CRTC3: variants seen among roughly 807,000 people sequenced by gnomAD.
The protein encoded by CRTC3 is CREB-regulated transcription coactivator 3.
A neutral mutation model predicts 74.5 loss-of-function variants in CRTC3; 26 were observed. The observed-to-expected ratio is 0.35, with a 90% CI of 0.26 to 0.48. The LOEUF is 0.48. Ranked by LOEUF, CRTC3 falls within the 20% of genes least tolerant of loss-of-function variation. The pLI, the probability that CRTC3 is intolerant of heterozygous loss-of-function variation, is 0.99. For missense variants in CRTC3, 760 were observed against 787.3 expected (o/e 0.97, Z 0.41); for synonymous variants, 377 against 325.8 (o/e 1.16, Z -1.69).
Position 90,643,414 on chromosome 15 carries a change from CG to C in CRTC3, c.*1277del. 4.4e-6 allele frequency: 1 copy of C among 228,714 alleles called. No homozygotes were observed. The allele number at this position is 228,714 out of a possible 1,614,324, so 14.2% of individuals were successfully genotyped here. Reference sequence around the variant, plus strand: ...CATTCTCCTTGGGCTGTGCTCCACGCGGGTGGGTGGGAGCTGTCTTCTGAGT... The same window carrying C: ...CATTCTCCTTGGGCTGTGCTCCACGCGGTGGGTGGGAGCTGTCTTCTGAGT... On this transcript the variant is annotated 3_prime_UTR_variant, in exon 15 of 15. Transcript: ENST00000268184.
At chr15:90,616,907 G>GCAGTGA (rs1968507796) in intron 7 of CRTC3, among the ~76,000 whole-genome samples, 1 of 152,242 alleles carries the variant, frequency 6.6e-6, no homozygotes, top group South Asian at 2.1e-4. Flanking sequence ...CACAACCAAG[G>GCAGTGA]AGCTTCACTG....
chr15:90,553,909 A>G (rs1343536354), intron 2 of CRTC3, among the ~76,000 whole-genome samples: 1 of 152,254 alleles, frequency 6.6e-6, no homozygotes, highest in African/African-American at 2.4e-5. Flanking sequence ...TACTAAAGTG[A>G]CAACATATAC....
At chr15:90,626,327 A>G (rs1968833472) in intron 10 of CRTC3, among the ~76,000 whole-genome samples, 1 of 152,178 alleles carries the variant, frequency 6.6e-6, no homozygotes, top group South Asian at 2.1e-4. Context: ...TCAACATATG[A>G]TAATTTATAA....
At chr15:90,639,968 G>C (rs1567198738) in intron 13 of CRTC3, among the ~76,000 whole-genome samples, 1 of 152,006 alleles carries the variant, frequency 6.6e-6, no homozygotes, top group Admixed American at 6.5e-5. Context: ...AGAATGGCGT[G>C]AAGCCGGGAG....
At chr15:90,630,196 G>A (rs955548085) in intron 11 of CRTC3, among the ~76,000 whole-genome samples, 25 of 152,172 alleles carry the variant, frequency 1.6e-4, no homozygotes, top group African/African-American at 5.8e-4. Context: ...ACCAGGTTAG[G>A]ATTTCAAAGT....
In CRTC3 at chr15:90,638,386, A is replaced by G. The variant is rs1002126441; in HGVS notation, c.1267-60A>G. The G allele has an allele frequency of 7.0e-6, 10 of 1,435,910 alleles. No individual in the cohort carries two copies. The Admixed American group carries it at 1.3e-4, about 19-fold the overall frequency. 88.9% of individuals were successfully genotyped at this position (1,435,910 alleles called of 1,614,324 possible). A position where few individuals can be genotyped will look rare whatever the true frequency, so the allele number is the denominator to read the frequency against. ...TCTCACTCTGACATTTCCTAATCCT[A>G]AAGGACTTAACGCCAGAAACGCAGA... On this transcript the variant is annotated intron_variant, in intron 11 of 14. Transcript: ENST00000268184.
rs986054712 is a variant in CRTC3, at chr15:90,642,988, A to G, written c.*848A>G. The stretch of plus-strand genomic sequence containing the variant: ...ACAGACCTCCCCACTAAGAGCAGCC[A>G]GAGGGAGCTGGTGAGGCCCTAACCC... On this transcript the variant is annotated 3_prime_UTR_variant, in exon 15 of 15. Coordinates refer to ENST00000268184, the MANE Select transcript of CRTC3 (RefSeq NM_022769.5). The G allele has an allele frequency of 8.6e-6, 2 of 232,508 alleles. No individual in the cohort carries two copies. The highest frequency in any genetic ancestry group is 1.7e-5 in the Non-Finnish European group (2 of 117,670). The allele number at this position is 232,508 out of a possible 1,614,324, so 14.4% of individuals were successfully genotyped here.
chr15:90,556,013 A>T (rs1480552516), intron 2 of CRTC3, among the ~76,000 whole-genome samples: 9 of 152,130 alleles, frequency 5.9e-5, no homozygotes, highest in Non-Finnish European at 1.0e-4. Flanking sequence ...AGAGATTACC[A>T]TTTTAATGTT....
At chr15:90,560,153 C>T (rs1417005571) in intron 2 of CRTC3, among the ~76,000 whole-genome samples, 2 of 152,074 alleles carry the variant, frequency 1.3e-5, no homozygotes, top group African/African-American at 4.8e-5. Context: ...CTAGTTAGCG[C>T]TCCAGGTTTG....
intron 2 of CRTC3, among the ~76,000 whole-genome samples, chr15:90,582,999 T>C (rs908432016): frequency 2.0e-5 from 3 of 152,100 alleles, no homozygotes. Context: ...TGCATTGTCG[T>C]TATTTCTTCT....
chr15:90,621,035 C>T (rs1055368433), intron 9 of CRTC3, among the ~76,000 whole-genome samples: 7 of 152,118 alleles, frequency 4.6e-5, no homozygotes, highest in South Asian at 2.1e-4. Context: ...CCTGCCAGGA[C>T]GCATGCCCAA....
At position 90,623,054 on chromosome 15, in the gene CRTC3, C is replaced by G. The variant is rs77325630; in HGVS notation, c.750-2722C>G. ...GTGAGTGCTCAGCTCTCTTCTGCCACTGATTCCCCCGTCACCACCCTTCTC... is the reference window on the plus strand; with the variant it reads ...GTGAGTGCTCAGCTCTCTTCTGCCAGTGATTCCCCCGTCACCACCCTTCTC... On this transcript the variant is annotated intron_variant, in intron 9 of 14. Coordinates refer to ENST00000268184, the MANE Select transcript of CRTC3 (RefSeq NM_022769.5). 5.3e-3 allele frequency among the ~76,000 whole-genome samples: 807 copies of G among 152,196 alleles called. 8 individuals are homozygous for G. The highest frequency in any genetic ancestry group is 0.044 in the East Asian group (226 of 5,164).
chr15:90,626,024 T>TG, intron 10 of CRTC3, 31 bp downstream of exon 10: 2 of 1,574,504 alleles, frequency 1.3e-6, no homozygotes, highest in Non-Finnish European at 1.7e-6. Context: ...AGTGACCTGG[T>TG]GGCTTAATCA....
At chr15:90,587,002 A>T (rs1047385403) in intron 2 of CRTC3, among the ~76,000 whole-genome samples, 1 of 152,260 alleles carries the variant, frequency 6.6e-6, no homozygotes, top group Non-Finnish European at 1.5e-5. Context: ...CAGTCAAGTA[A>T]GATCTGGGGT....
rs1231391833 is a variant in CRTC3, at chr15:90,625,951, A to G, written c.925A>G (p.Ile309Val). ...SMSVGNSVNN[I>V]PAAMTHLGIR... ...GAGTGTGGGGAATAGTGTGAACAAC[A>G]TCCCAGCTGCTATGACCCACCTGGG... The change falls in exon 10 of 15, where the codon ATC (isoleucine) becomes GTC (valine). Residue 309 changes from isoleucine (I) to valine (V), a missense_variant. By Grantham distance (29) the Ile-to-Val change is conservative. Around this residue, in one of 2 missense-constraint regions of CRTC3, gnomAD observed 652 missense variants for 635.2 expected, o/e 1.03. Coordinates refer to ENST00000268184, the MANE Select transcript of CRTC3 (RefSeq NM_022769.5). 6.2e-7 allele frequency: 1 copy of G among 1,614,158 alleles called. No homozygotes were observed. The highest frequency in any genetic ancestry group is 8.5e-7 in the Non-Finnish European group (1 of 1,180,016).
intron 9 of CRTC3, among the ~76,000 whole-genome samples, chr15:90,622,657 C>T (rs1426387569): frequency 6.6e-6 from 1 of 152,114 alleles, no homozygotes; most frequent in Non-Finnish European, 1.5e-5. Flanking sequence ...TCAAGACCAG[C>T]CTGGCCAACA....
At chr15:90,594,690 T>C (rs1381489260) in intron 3 of CRTC3, 1 of 152,216 alleles carries the variant, frequency 6.6e-6, no homozygotes, top group Non-Finnish European at 1.5e-5. Context: ...TATGTGTCAC[T>C]TAGTCCTCAA....
At chr15:90,619,955 T>A (rs541543003) in intron 9 of CRTC3, 165 bp downstream of exon 9, 193 of 622,476 alleles carry the variant, frequency 3.1e-4, no homozygotes, top group Non-Finnish European at 4.5e-4. Context: ...ATACTCATAT[T>A]TCATCTGTTT....
chr15:90,618,841 G>A (rs987690554), intron 8 of CRTC3, among the ~76,000 whole-genome samples: 2 of 152,222 alleles, frequency 1.3e-5, no homozygotes, highest in African/African-American at 4.8e-5. Flanking sequence ...TTTAAACACA[G>A]GAGAAGCAAC....
Sources: allele counts gnomAD v4.1 joint callset (sites outside exome capture counted in the v4.1 genomes callset), GRCh38; gene constraint gnomAD v4.1.1; regional missense constraint gnomAD v4.1.1; transcripts MANE v1.5; gene names NCBI Gene and HGNC (gene_info 2026-07-23, HGNC 2026-07-21).